Variants in KCNH8 observed in about 807,000 individuals in gnomAD.
KCNH8 encodes the protein voltage-gated delayed rectifier potassium channel KCNH8.
A neutral mutation model predicts 103.6 loss-of-function variants in KCNH8; 70 were observed. That is an observed-to-expected ratio of 0.68 (90% confidence interval 0.56 to 0.82). KCNH8 has a LOEUF of 0.82. Ranked by LOEUF, KCNH8 falls within the 40% of genes least tolerant of loss-of-function variation. KCNH8 has a pLI of 0.00. For synonymous variants in KCNH8, 498 were observed against 489.4 expected (o/e 1.02, Z -0.23); for missense variants, 1,217 against 1,329.9 (o/e 0.92, Z 1.32).
At position 19,347,707 on chromosome 3, in the gene KCNH8, T is replaced by C. The variant is rs2065746808; in HGVS notation, c.571-18T>C. ...ATGTTGTGTTTCTCCTTTCTCTCCTTTTTGTCTTCATCCACAGAATGTTTT... is the reference window on the plus strand; with the variant it reads ...ATGTTGTGTTTCTCCTTTCTCTCCTCTTTGTCTTCATCCACAGAATGTTTT... On this transcript the variant is annotated intron_variant, in intron 4 of 15. Coordinates refer to ENST00000328405, the MANE Select transcript of KCNH8 (RefSeq NM_144633.3). 1.2e-6 allele frequency: 2 copies of C among 1,611,248 alleles called. No individual in the cohort carries two copies. Among genetic ancestry groups the C allele is most frequent in the African/African-American group, 2.7e-5 (2 of 74,714 alleles).
intron 3 of KCNH8, among the ~76,000 whole-genome samples, chr3:19,302,510 A>C (rs972304789): frequency 2.0e-5 from 3 of 152,134 alleles, no homozygotes; most frequent in African/African-American, 7.2e-5. Context: ...ATCATGCTTG[A>C]CTTCTTTGTG....
intron 1 of KCNH8, among the ~76,000 whole-genome samples, chr3:19,190,556 A>C (rs545642335): frequency 6.6e-6 from 1 of 151,966 alleles, no homozygotes; most frequent in Non-Finnish European, 1.5e-5. Flanking sequence ...TTGACGGAAT[A>C]TTTTTCCTGT....
At chr3:19,400,975 A>G (rs1042402439) in intron 7 of KCNH8, among the ~76,000 whole-genome samples, 1 of 152,018 alleles carries the variant, frequency 6.6e-6, no homozygotes, top group Admixed American at 6.6e-5. Context: ...TCGCATTCTT[A>G]AGAATGCATG....
At chr3:19,449,004 A>G in intron 8 of KCNH8, 5 of 1,280,862 alleles carry the variant, frequency 3.9e-6, no homozygotes, top group Non-Finnish European at 5.1e-6. Flanking sequence ...TCATTCTGCT[A>G]ATGACTAGTG....
At chr3:19,206,348 T>C (rs1042798680) in intron 1 of KCNH8, among the ~76,000 whole-genome samples, 2 of 150,618 alleles carry the variant, frequency 1.3e-5, no homozygotes, top group African/African-American at 2.5e-5. Context: ...CATTTGCAAA[T>C]TGTGCTGCTA....
intron 11 of KCNH8, among the ~76,000 whole-genome samples, chr3:19,495,564 A>G (rs141732965): frequency 1.3e-5 from 2 of 152,162 alleles, no homozygotes; most frequent in African/African-American, 4.8e-5. Context: ...ATTGGTCTAT[A>G]TGTCTGGTTT....
chr3:19,486,250 T>C (rs1575125960), intron 11 of KCNH8, among the ~76,000 whole-genome samples: 1 of 152,250 alleles, frequency 6.6e-6, no homozygotes, highest in Non-Finnish European at 1.5e-5. Context: ...CCAGCCTTTC[T>C]GATAATGGGA....
intron 11 of KCNH8, among the ~76,000 whole-genome samples, chr3:19,482,193 C>A (rs1360760965): frequency 6.6e-6 from 1 of 152,172 alleles, no homozygotes; most frequent in African/African-American, 2.4e-5. Context: ...CAGTGCTTTT[C>A]CATACAATGT....
chr3:19,378,908 G>A (rs1435810820), intron 5 of KCNH8, among the ~76,000 whole-genome samples: 1 of 152,154 alleles, frequency 6.6e-6, no homozygotes, highest in East Asian at 1.9e-4. Flanking sequence ...GCTGTTGCAT[G>A]TTTTAAATGT....
At chr3:19,378,389 G>T (rs1332378734) in intron 5 of KCNH8, among the ~76,000 whole-genome samples, 2 of 152,138 alleles carry the variant, frequency 1.3e-5, no homozygotes, top group Non-Finnish European at 2.9e-5. Flanking sequence ...CAATAGAGTT[G>T]CATTACAGGA....
intron 1 of KCNH8, among the ~76,000 whole-genome samples, chr3:19,249,764 C>G (rs948839825): frequency 6.6e-6 from 1 of 152,074 alleles, no homozygotes; most frequent in South Asian, 2.1e-4. Context: ...GTGAAAACTA[C>G]ATAAATGTGA....
intron 5 of KCNH8, among the ~76,000 whole-genome samples, chr3:19,359,012 AAAAT>A (rs1279462023): frequency 1.9e-4 from 29 of 151,900 alleles, no homozygotes; most frequent in African/African-American, 7.0e-4. Flanking sequence ...TAGAAGATGA[AAAAT>A]AACAGCAGTA....
chr3:19,475,820 T>C (rs2067961799), intron 11 of KCNH8, among the ~76,000 whole-genome samples: 1 of 152,148 alleles, frequency 6.6e-6, no homozygotes, highest in Non-Finnish European at 1.5e-5. Context: ...GGAGCAAAAA[T>C]GTCAAATCAG....
At chr3:19,524,012 G>A (rs1419594562) in intron 15 of KCNH8, among the ~76,000 whole-genome samples, 1 of 151,834 alleles carries the variant, frequency 6.6e-6, no homozygotes, top group Non-Finnish European at 1.5e-5. Flanking sequence ...TAATAAGAGA[G>A]GCTGTTTTTT....
At chr3:19,243,626 A>G (rs1226044433) in intron 1 of KCNH8, among the ~76,000 whole-genome samples, 1 of 152,178 alleles carries the variant, frequency 6.6e-6, no homozygotes, top group Admixed American at 6.5e-5. Context: ...AAATGGAGAA[A>G]GGTCAGTCCA....
At chr3:19,328,756 A>G (rs1430947850) in intron 3 of KCNH8, among the ~76,000 whole-genome samples, 1 of 152,224 alleles carries the variant, frequency 6.6e-6, no homozygotes, top group Non-Finnish European at 1.5e-5. Flanking sequence ...TAGAATTTCC[A>G]TAAAAGAAAC....
chr3:19,385,386 A>T (rs956373266), intron 5 of KCNH8, among the ~76,000 whole-genome samples: 4 of 152,178 alleles, frequency 2.6e-5, no homozygotes, highest in African/African-American at 4.8e-5. Context: ...AATGATGAAC[A>T]TAGCCAACTA....
intron 1 of KCNH8, among the ~76,000 whole-genome samples, chr3:19,202,777 C>G (rs2063676593): frequency 6.6e-6 from 1 of 151,900 alleles, no homozygotes; most frequent in African/African-American, 2.4e-5. Context: ...GCTTCAATAA[C>G]AGAGTAAAAA....
intron 3 of KCNH8, among the ~76,000 whole-genome samples, chr3:19,308,935 A>T (rs1324424736): frequency 6.6e-6 from 1 of 151,438 alleles, no homozygotes; most frequent in Non-Finnish European, 1.5e-5. Flanking sequence ...CACTGTCTTA[A>T]TGTAAATTCC....
Sources: gnomAD v4.1 joint callset for allele counts (sites outside exome capture counted in the v4.1 genomes callset) on GRCh38, gnomAD v4.1.1 for gene constraint, MANE v1.5 for transcripts, NCBI Gene and HGNC (gene_info 2026-07-23, HGNC 2026-07-21) for gene names.